The following DST variants were observed in gnomAD, a reference collection of about 807,000 sequenced individuals.
The protein encoded by DST is dystonin.
DST carries 253 observed loss-of-function variants against 875.2 expected under a neutral mutation model. The ratio of observed to expected loss-of-function variants is 0.29; its 90% CI spans 0.26 to 0.32. The LOEUF is 0.32. Among genes scored for constraint, DST ranks in the 10% least tolerant of loss-of-function variants. The pLI, the probability that DST is intolerant of heterozygous loss-of-function variation, is 1.00. For missense variants in DST, 8,287 were observed against 9,111.6 expected (o/e 0.91, Z 3.68); for synonymous variants, 3,124 against 3,197.1 (o/e 0.98, Z 0.77).
intron 55 of DST, among the ~76,000 whole-genome samples, chr6:56,564,924 C>T (rs1165011214): frequency 6.6e-6 from 1 of 152,016 alleles, no homozygotes; most frequent in Non-Finnish European, 1.5e-5. Flanking sequence ...CCGATTTTAT[C>T]GTGGTGGATA....
intron 33 of DST, 28 bp downstream of exon 33, chr6:56,627,971 C>T: frequency 6.2e-7 from 1 of 1,608,394 alleles, no homozygotes; most frequent in East Asian, 2.2e-5. Context: ...CAGACATAAC[C>T]TCAGTAGAGG....
chr6:56,588,041 G>C (rs1268451315), intron 49 of DST, among the ~76,000 whole-genome samples: 1 of 151,396 alleles, frequency 6.6e-6, no homozygotes, highest in Non-Finnish European at 1.5e-5. Context: ...ATAATGACAG[G>C]ATCAAATTCA....
chr6:56,721,015 G>A (rs578083770), intron 5 of DST, among the ~76,000 whole-genome samples: 10 of 139,708 alleles, frequency 7.2e-5, no homozygotes, highest in Admixed American at 3.4e-4. Context: ...GCTGCCGGGC[G>A]GGGGCAGCCC....
At chr6:56,676,775 G>A (rs1467682898) in intron 9 of DST, among the ~76,000 whole-genome samples, 3 of 151,216 alleles carry the variant, frequency 2.0e-5, no homozygotes, top group Non-Finnish European at 4.4e-5. Context: ...AAATAAATCA[G>A]GCACATAAAG....
intron 2 of DST, among the ~76,000 whole-genome samples, chr6:56,908,098 T>TAC (rs66523804): frequency 0.02 from 2,973 of 150,608 alleles, 92 homozygotes; most frequent in African/African-American, 0.064. Flanking sequence ...TATATATATA[T>TAC]ACACACACAC....
At chr6:56,936,165 G>A (rs1392027976) in intron 2 of DST, among the ~76,000 whole-genome samples, 2 of 152,128 alleles carry the variant, frequency 1.3e-5, no homozygotes, top group Admixed American at 6.5e-5. Context: ...AATAAAAAGA[G>A]AAAAGTAACA....
intron 10 of DST, among the ~76,000 whole-genome samples, chr6:56,659,780 C>A (rs1467699072): frequency 1.3e-5 from 2 of 152,058 alleles, no homozygotes; most frequent in Admixed American, 6.6e-5. Flanking sequence ...ACAGAAGAGG[C>A]TGCAACATGC....
intron 4 of DST, among the ~76,000 whole-genome samples, chr6:56,788,679 T>G (rs1202401227): frequency 6.6e-6 from 1 of 152,190 alleles, no homozygotes; most frequent in Non-Finnish European, 1.5e-5. Flanking sequence ...TCCCAAGTAT[T>G]AACAGTCTAG....
chr6:56,886,177 G>C (rs1316962343), intron 3 of DST, among the ~76,000 whole-genome samples: 1 of 152,148 alleles, frequency 6.6e-6, no homozygotes, highest in Non-Finnish European at 1.5e-5. Flanking sequence ...CAGTCAAATG[G>C]AATCTATATT....
intron 9 of DST, among the ~76,000 whole-genome samples, chr6:56,674,549 G>A (rs562101938): frequency 2.0e-5 from 3 of 152,106 alleles, no homozygotes; most frequent in East Asian, 1.9e-4. Flanking sequence ...CACCCGCTTC[G>A]GCCTCCCAAA....
At chr6:56,636,110 T>C (rs938050274) in intron 23 of DST, among the ~76,000 whole-genome samples, 1 of 152,068 alleles carries the variant, frequency 6.6e-6, no homozygotes, top group Non-Finnish European at 1.5e-5. Context: ...GACACATTTG[T>C]AGAATAGAAT....
At chr6:56,551,849 A>T (rs1471236434) in intron 61 of DST, among the ~76,000 whole-genome samples, 1 of 152,232 alleles carries the variant, frequency 6.6e-6, no homozygotes, top group South Asian at 2.1e-4. Context: ...CATCTGCAAT[A>T]GAGTTCAAAA....
At chr6:56,535,072 T>C (rs1190025638) in intron 63 of DST, 50 bp downstream of exon 63, 1 of 1,593,128 alleles carries the variant, frequency 6.3e-7, no homozygotes, top group African/African-American at 1.4e-5. Flanking sequence ...TTTTTTCTCT[T>C]GTTATTAAGA....
chr6:56,513,031 T>C (rs2096511127), intron 72 of DST, among the ~76,000 whole-genome samples: 1 of 152,198 alleles, frequency 6.6e-6, no homozygotes, highest in Non-Finnish European at 1.5e-5. Context: ...AAAGGAAAAC[T>C]GAAGATGTTA....
intron 5 of DST, among the ~76,000 whole-genome samples, chr6:56,725,424 T>A (rs547887955): frequency 6.6e-6 from 1 of 152,278 alleles, no homozygotes; most frequent in South Asian, 2.1e-4. Flanking sequence ...GTGAATGAGG[T>A]TCCCATCAGT....
In DST at chr6:56,951,637, C is replaced by G. The variant is rs1822359258; in HGVS notation, c.216+2148G>C. Among the ~76,000 whole-genome samples, 5 of 152,194 alleles carry G rather than the reference C, an allele frequency of 3.3e-5. No individual in the cohort carries two copies. The South Asian group carries it at 1.0e-3, about 32-fold the overall frequency. ...AGTGATGAAACATGACATTCTTTTG[C>G]AACACAGTCCCATAATTTTCACTTA... On this transcript the variant is annotated intron_variant, in intron 2 of 103. Coordinates refer to ENST00000680361, the MANE Select transcript of DST (RefSeq NM_001374736.1).
At chr6:56,864,606 T>C (rs1224044651) in intron 3 of DST, among the ~76,000 whole-genome samples, 5 of 152,094 alleles carry the variant, frequency 3.3e-5, no homozygotes, top group Non-Finnish European at 7.3e-5. Flanking sequence ...TTAACATCTT[T>C]AACTTGCTCG....
chr6:56,639,451 G>C lies in DST; in HGVS notation c.2858C>G (p.Ala953Gly), dbSNP rs2098863600. 1 of 1,613,512 alleles carries C rather than the reference G, an allele frequency of 6.2e-7. No homozygotes were observed. Among genetic ancestry groups the C allele is most frequent in the African/African-American group, 1.3e-5 (1 of 74,916 alleles). The change falls in exon 21 of 104, where the codon GCT becomes GGT. Residue 953 changes from alanine to glycine, a missense_variant and splice_region_variant. By Grantham distance (60) the Ala-to-Gly change is moderately conservative (BLOSUM62 0). Around this residue, in one of 10 missense-constraint regions of DST, gnomAD observed 1,160 missense variants for 1,424.3 expected, o/e 0.81. Coordinates refer to ENST00000680361, the MANE Select transcript of DST (RefSeq NM_001374736.1). Reference sequence around the variant, plus strand: ...TGCAAGTACAAAGGGTGTACTTACAGCATGATAATCTTTTTTCCTAGCTAT... The same window carrying C: ...TGCAAGTACAAAGGGTGTACTTACACCATGATAATCTTTTTTCCTAGCTAT... ...TNIARKKDYH[A>G]ELMRELDQKE...
chr6:56,910,484 T>C (rs1798374924), intron 2 of DST, among the ~76,000 whole-genome samples: 1 of 151,396 alleles, frequency 6.6e-6, no homozygotes, highest in Non-Finnish European at 1.5e-5. Context: ...TATTTTATTT[T>C]ATTTTATTTA....
Sources: gnomAD v4.1 joint callset for allele counts (sites outside exome capture counted in the v4.1 genomes callset) on GRCh38, gnomAD v4.1.1 for gene constraint, gnomAD v4.1.1 regional missense constraint, MANE v1.5 for transcripts, NCBI Gene and HGNC (gene_info 2026-07-23, HGNC 2026-07-21) for gene names.